Variants in RBPJ observed in about 807,000 individuals in gnomAD.
The protein encoded by RBPJ is recombining binding protein suppressor of hairless.
Under a neutral mutation model 67.8 loss-of-function variants are expected in RBPJ, and 9 were observed. That is an observed-to-expected ratio of 0.13 (90% CI 0.08 to 0.23). The LOEUF (loss-of-function observed/expected upper bound fraction) is 0.23, where lower values mean the gene tolerates loss of function less well. Ranked by LOEUF, RBPJ falls within the 10% of genes least tolerant of loss-of-function variation. The pLI is 1.00. For synonymous variants in RBPJ, 198 were observed against 203.3 expected (o/e 0.97, Z 0.22); for missense variants, 305 against 595.6 (o/e 0.51, Z 5.08).
chr4:26,221,135 G>A (rs1165102635), intron 1 of RBPJ, among the ~76,000 whole-genome samples: 1 of 152,166 alleles, frequency 6.6e-6, no homozygotes, highest in African/African-American at 2.4e-5. Flanking sequence ...CCGTCGCCCA[G>A]GCTGGAGTGC....
At chr4:26,286,788 C>CT (rs755346375) in intron 1 of RBPJ, among the ~76,000 whole-genome samples, 15,809 of 134,834 alleles carry the variant, frequency 0.12, 1,508 homozygotes, top group African/African-American at 0.26. Flanking sequence ...AGTAAAACCT[C>CT]TTTTTTTTTT....
chr4:26,310,128 C>G (rs1341573684), intron 1 of RBPJ, among the ~76,000 whole-genome samples: 1 of 152,172 alleles, frequency 6.6e-6, no homozygotes, highest in African/African-American at 2.4e-5. Context: ...CACAATTGGA[C>G]AGAAAACGGT....
upstream of RBPJ, among the ~76,000 whole-genome samples, chr4:26,316,691 T>C (rs56035229): frequency 0.44 from 62,196 of 142,000 alleles, 14,751 homozygotes; most frequent in Admixed American, 0.57. Flanking sequence ...TATATACACA[T>C]ATTGTGTATA....
chr4:26,188,965 A>G (rs1717378974), intron 1 of RBPJ, among the ~76,000 whole-genome samples: 1 of 152,260 alleles, frequency 6.6e-6, no homozygotes, highest in Non-Finnish European at 1.5e-5. Context: ...TATTAAAATT[A>G]TGTTATCTAT....
At chr4:26,373,915 C>CTTT (rs765161799) in intron 1 of RBPJ, among the ~76,000 whole-genome samples, 39 of 113,288 alleles carry the variant, frequency 3.4e-4, no homozygotes, top group South Asian at 8.6e-4. Flanking sequence ...TTATTTTTTA[C>CTTT]TTTTTTTTTT....
the RBPJ span, among the ~76,000 whole-genome samples, chr4:26,143,708 C>T: frequency 6.6e-6 from 1 of 152,200 alleles, no homozygotes; most frequent in East Asian, 1.9e-4. Context: ...AGGTGGATGG[C>T]TTGAGCCCAG....
intron 1 of RBPJ, among the ~76,000 whole-genome samples, chr4:26,254,758 G>T (rs1577361356): frequency 7.1e-6 from 1 of 141,814 alleles, no homozygotes; most frequent in Admixed American, 7.0e-5. Flanking sequence ...GCTCACTGCA[G>T]CCTCTGCCTC....
chr4:26,221,051 A>G (rs772865718), intron 1 of RBPJ, among the ~76,000 whole-genome samples: 5 of 152,196 alleles, frequency 3.3e-5, no homozygotes, highest in Non-Finnish European at 7.3e-5. Context: ...TATTATTAAA[A>G]TATTAATATC....
At chr4:26,201,767 C>G (rs1296887532) in intron 1 of RBPJ, among the ~76,000 whole-genome samples, 1 of 152,236 alleles carries the variant, frequency 6.6e-6, no homozygotes. Context: ...ATGCCCTCCA[C>G]TCAAAAGAGC....
chr4:26,186,208 A>G (rs888743302), intron 1 of RBPJ, among the ~76,000 whole-genome samples: 10 of 151,448 alleles, frequency 6.6e-5, no homozygotes, highest in Admixed American at 1.3e-4. Context: ...AAAAAAAAAA[A>G]AAAAAAAGAC....
the RBPJ span, among the ~76,000 whole-genome samples, chr4:26,124,425 TATATATATATATATATATATATA>T: frequency 2.6e-5 from 1 of 38,668 alleles, no homozygotes; most frequent in African/African-American, 8.2e-5. Context: ...CATATATATA[TATATATATATATATATATATATA>T]TATATATATA....
At chr4:26,245,644 T>G (rs568249061) in intron 1 of RBPJ, among the ~76,000 whole-genome samples, 24 of 152,340 alleles carry the variant, frequency 1.6e-4, no homozygotes, top group African/African-American at 5.5e-4. Flanking sequence ...TAAGAAATCA[T>G]TGCCTAATCC....
upstream of RBPJ, among the ~76,000 whole-genome samples, chr4:26,158,952 TCTCTC>T (rs1716027644): frequency 8.9e-3 from 650 of 73,368 alleles, 27 homozygotes; most frequent in East Asian, 0.22. Flanking sequence ...TCTTTCTCTC[TCTCTC>T]TCTCTCTCTC....
At chr4:26,240,892 G>T (rs1160649455) in intron 1 of RBPJ, among the ~76,000 whole-genome samples, 3 of 152,102 alleles carry the variant, frequency 2.0e-5, no homozygotes, top group East Asian at 3.9e-4. Flanking sequence ...CTTATTATGG[G>T]CCCTCATCTC....
intron 1 of RBPJ, among the ~76,000 whole-genome samples, chr4:26,346,189 A>C (rs1484254856): frequency 6.6e-6 from 1 of 152,216 alleles, no homozygotes; most frequent in Non-Finnish European, 1.5e-5. Flanking sequence ...CGAGGAGTTC[A>C]GGAGTGGAGG....
In RBPJ at chr4:26,429,912, A is replaced by G; in HGVS notation, c.903A>G (p.Pro301=). 6.2e-7 allele frequency: 1 copy of G among 1,612,832 alleles called. No homozygotes were observed. Among genetic ancestry groups the G allele is most frequent in the Non-Finnish European group, 8.5e-7 (1 of 1,179,844 alleles). Residue 301 remains proline (P), a synonymous_variant, in exon 9 of 11, where the codon CCA becomes CCG. Coordinates refer to ENST00000355476, the MANE Select transcript of RBPJ (RefSeq NM_015874.6). ...RIIQFQATPC[P]KEPNKEMIND... ...TTCTTTATTAGGCCACTCCATGTCC[A>G]AAAGAACCAAATAAAGAGATGATAA...
chr4:26,280,048 A>G (rs535818930), intron 1 of RBPJ, among the ~76,000 whole-genome samples: 1 of 150,960 alleles, frequency 6.6e-6, no homozygotes, highest in Non-Finnish European at 1.5e-5. Context: ...TGGCCTCCCA[A>G]AGTGCTGGGA....
chr4:26,244,892 G>T (rs575489687), intron 1 of RBPJ, among the ~76,000 whole-genome samples: 2 of 151,750 alleles, frequency 1.3e-5, no homozygotes, highest in Non-Finnish European at 2.9e-5. Flanking sequence ...CCTCAGCCTC[G>T]CAAAGTGCTA....
At chr4:26,393,662 A>C (rs962893138) in intron 2 of RBPJ, among the ~76,000 whole-genome samples, 1 of 152,180 alleles carries the variant, frequency 6.6e-6, no homozygotes, top group African/African-American at 2.4e-5. Flanking sequence ...GGCGAGAGCC[A>C]CCACACCCTG....
Sources: allele counts gnomAD v4.1 joint callset (sites outside exome capture counted in the v4.1 genomes callset), GRCh38; gene constraint gnomAD v4.1.1; transcripts MANE v1.5; gene names NCBI Gene and HGNC (gene_info 2026-07-23, HGNC 2026-07-21).